Variants in KCNIP4 observed in about 807,000 individuals in gnomAD.
The protein encoded by KCNIP4 is potassium voltage-gated channel interacting protein 4.
Under a neutral mutation model 34.0 loss-of-function variants are expected in KCNIP4, and 12 were observed. That is an observed-to-expected ratio of 0.35 (90% CI 0.23 to 0.57). The LOEUF (loss-of-function observed/expected upper bound fraction) is 0.57, where lower values mean the gene tolerates loss of function less well. Among genes scored for constraint, KCNIP4 ranks in the 20% least tolerant of loss-of-function variants. The probability of loss-of-function intolerance (pLI) is 0.83; values close to 1 mark genes in which losing one functional copy is unlikely to be tolerated. For synonymous variants in KCNIP4, 124 were observed against 102.2 expected (o/e 1.21, Z -1.29); for missense variants, 238 against 311.7 (o/e 0.76, Z 1.78).
chr4:20,907,716 T>A (rs899159241), intron 1 of KCNIP4, among the ~76,000 whole-genome samples: 19 of 152,104 alleles, frequency 1.2e-4, no homozygotes, highest in African/African-American at 4.6e-4. Context: ...GAAATGTAAA[T>A]TTTTTTATTT....
chr4:21,402,155 G>C (rs922805267), intron 1 of KCNIP4, among the ~76,000 whole-genome samples: 1 of 152,246 alleles, frequency 6.6e-6, no homozygotes, highest in South Asian at 2.1e-4. Flanking sequence ...TGCAGAATGA[G>C]AAAAAATTAT....
chr4:21,401,925 T>C (rs1723593182), intron 1 of KCNIP4, among the ~76,000 whole-genome samples: 2 of 152,164 alleles, frequency 1.3e-5, no homozygotes, highest in Admixed American at 6.5e-5. Flanking sequence ...CCCTGATGTT[T>C]TAATAGTGAA....
intron 1 of KCNIP4, among the ~76,000 whole-genome samples, chr4:21,286,503 G>T: frequency 6.6e-6 from 1 of 152,144 alleles, no homozygotes; most frequent in East Asian, 1.9e-4. Context: ...TCTTTGAAAA[G>T]GGAATCCTTC....
chr4:21,271,623 T>C (rs1209556696), intron 1 of KCNIP4, among the ~76,000 whole-genome samples: 1 of 152,058 alleles, frequency 6.6e-6, no homozygotes, highest in Non-Finnish European at 1.5e-5. Context: ...GGGGAGAGGA[T>C]ATAAAGATGG....
At chr4:21,301,795 T>G (rs1016125459) in intron 1 of KCNIP4, among the ~76,000 whole-genome samples, 2 of 152,186 alleles carry the variant, frequency 1.3e-5, no homozygotes, top group African/African-American at 2.4e-5. Context: ...TATTCATTTG[T>G]TTTTTATCTC....
Position 20,850,493 on chromosome 4 carries a change from A to G in KCNIP4, c.288+50T>C, listed in dbSNP as rs373563417. 17 of 1,590,298 alleles carry G rather than the reference A, an allele frequency of 1.1e-5. No homozygotes were observed. In the African/African-American group the frequency reaches 1.9e-4, roughly 18 times the overall value. The stretch of plus-strand genomic sequence containing the variant: ...TTCCCCCTTTTCCTCTCATTTCTCA[A>G]TGCTCCTCTGGGAATTGTGTGAAGG... On this transcript the variant is annotated intron_variant, in intron 3 of 8. Coordinates refer to ENST00000382152, the MANE Select transcript of KCNIP4 (RefSeq NM_025221.6).
chr4:21,545,820 T>G (rs564656794), intron 1 of KCNIP4, among the ~76,000 whole-genome samples: 1 of 152,206 alleles, frequency 6.6e-6, no homozygotes, highest in Admixed American at 6.5e-5. Context: ...TCTTTGCTAT[T>G]GTGAATAGTG....
At chr4:21,535,721 C>T (rs566121381) in intron 1 of KCNIP4, among the ~76,000 whole-genome samples, 36 of 152,210 alleles carry the variant, frequency 2.4e-4, no homozygotes, top group Non-Finnish European at 2.8e-4. Flanking sequence ...AAATGTGCTC[C>T]ATAGTTTATG....
rs1275604096 is a variant in KCNIP4, at chr4:21,143,957, C to G, written c.62-261248G>C. Among the ~76,000 whole-genome samples the G allele has an allele frequency of 5.3e-5, 8 of 152,222 alleles. No individual in the cohort carries two copies. The East Asian group carries it at 1.2e-3, about 22-fold the overall frequency. On this transcript the variant is annotated intron_variant, in intron 1 of 8. Transcript: ENST00000382152. ...ACTCCTGGCCTGGTGATCCACCCAC[C>G]TTGGTCTCCCAAAGTGCTGCGATTA...
intron 1 of KCNIP4, among the ~76,000 whole-genome samples, chr4:21,615,709 T>C (rs1415778681): frequency 1.3e-5 from 2 of 152,208 alleles, no homozygotes; most frequent in Non-Finnish European, 2.9e-5. Context: ...TCTGCTTCCA[T>C]ATTTTAGATG....
intron 1 of KCNIP4, among the ~76,000 whole-genome samples, chr4:21,007,953 TG>T (rs1479336814): frequency 6.6e-6 from 1 of 152,250 alleles, no homozygotes; most frequent in Admixed American, 6.5e-5. Context: ...GGAGCTCATC[TG>T]TTTTTGTTCC....
Position 20,729,500 on chromosome 4 carries a change from A to ATGTT in KCNIP4, c.*578_*581dup, listed in dbSNP as rs913981097. ...TTTTTAAATGTTTAATAATTTTTAA[A>ATGTT]TGTTTAAAAATGCCAGATAAAACTA... On this transcript the variant is annotated 3_prime_UTR_variant, in exon 9 of 9. Transcript: ENST00000382152. 1.4e-5 allele frequency: 2 copies of ATGTT among 146,488 alleles called. No individual in the cohort carries two copies. Among genetic ancestry groups the ATGTT allele is most frequent in the African/African-American group, 5.1e-5 (2 of 38,994 alleles). 9.1% of individuals were successfully genotyped at this position (146,488 alleles called of 1,614,324 possible).
chr4:21,697,601 T>C, intron 1 of KCNIP4: 1 of 1,364,072 alleles, frequency 7.3e-7, no homozygotes, highest in Non-Finnish European at 9.3e-7. Context: ...CAATCAGAAA[T>C]TCCTTTAAAA....
intron 1 of KCNIP4, among the ~76,000 whole-genome samples, chr4:21,685,446 T>C (rs1750732118): frequency 6.6e-6 from 1 of 152,138 alleles, no homozygotes; most frequent in Non-Finnish European, 1.5e-5. Flanking sequence ...AAGATAAAAG[T>C]TCAAGTCATT....
At chr4:21,782,162 G>A (rs541130949) in intron 1 of KCNIP4, among the ~76,000 whole-genome samples, 3 of 152,238 alleles carry the variant, frequency 2.0e-5, no homozygotes, top group East Asian at 1.9e-4. Flanking sequence ...GACTGATGGA[G>A]TGGAGTGAAA....
intron 2 of KCNIP4, among the ~76,000 whole-genome samples, chr4:20,859,193 T>A (rs1056988067): frequency 3.3e-5 from 5 of 150,956 alleles, no homozygotes; most frequent in African/African-American, 7.3e-5. Flanking sequence ...AGTGATGGGA[T>A]CTCAGAGCTG....
At chr4:20,851,334 C>G (rs892184881) in intron 2 of KCNIP4, among the ~76,000 whole-genome samples, 3 of 152,164 alleles carry the variant, frequency 2.0e-5, no homozygotes, top group Non-Finnish European at 2.9e-5. Flanking sequence ...GCTTCCAACT[C>G]CATCTATGTG....
At chr4:21,102,697 T>C (rs1195663650) in intron 1 of KCNIP4, among the ~76,000 whole-genome samples, 1 of 152,242 alleles carries the variant, frequency 6.6e-6, no homozygotes, top group East Asian at 1.9e-4. Flanking sequence ...TAAATCTGAA[T>C]AAGTCTATTA....
chr4:20,912,601 A>G (rs544572970), intron 1 of KCNIP4, among the ~76,000 whole-genome samples: 1 of 152,302 alleles, frequency 6.6e-6, no homozygotes, highest in South Asian at 2.1e-4. Flanking sequence ...AAGACAACCC[A>G]CAGGATGGGA....
Sources: gnomAD v4.1 joint callset for allele counts (sites outside exome capture counted in the v4.1 genomes callset) on GRCh38, gnomAD v4.1.1 for gene constraint, MANE v1.5 for transcripts, NCBI Gene and HGNC (gene_info 2026-07-23, HGNC 2026-07-21) for gene names.